Variants in CLSTN2 observed in about 807,000 individuals in gnomAD.
CLSTN2 encodes calsyntenin 2, also known as calsyntenin-2.
CLSTN2 carries 48 observed loss-of-function variants against 101.2 expected under a neutral mutation model. The observed-to-expected ratio is 0.47, with a 90% CI of 0.38 to 0.60. CLSTN2 has a LOEUF of 0.60. Among genes scored for constraint, CLSTN2 ranks in the 20% least tolerant of loss-of-function variants. CLSTN2 has a pLI of 0.00. For missense variants in CLSTN2, 1,160 were observed against 1,238.2 expected, an observed-to-expected ratio of 0.94 and a Z score of 0.95; for synonymous variants, 481 against 463.6, an observed-to-expected ratio of 1.04 and a Z score of -0.48.
At chr3:140,048,295 G>A (rs1480801656) in intron 1 of CLSTN2, among the ~76,000 whole-genome samples, 2 of 152,286 alleles carry the variant, frequency 1.3e-5, no homozygotes, top group Non-Finnish European at 2.9e-5. Flanking sequence ...CATATCTTGG[G>A]AAATACAGCC....
intron 1 of CLSTN2, among the ~76,000 whole-genome samples, chr3:140,131,877 CA>C (rs2009527936): frequency 6.6e-6 from 1 of 151,898 alleles, no homozygotes; most frequent in Non-Finnish European, 1.5e-5. Flanking sequence ...AAAACTGTCC[CA>C]CAATTGACCA....
chr3:140,563,339 T>C (rs563983119), intron 15 of CLSTN2, 136 bp downstream of exon 15: 11 of 962,454 alleles, frequency 1.1e-5, no homozygotes, highest in Admixed American at 5.1e-5. Flanking sequence ...ATGGAGAAAA[T>C]GTGCCCTGGC....
At chr3:140,338,198 C>T (rs1285973077) in intron 2 of CLSTN2, among the ~76,000 whole-genome samples, 3 of 152,134 alleles carry the variant, frequency 2.0e-5, no homozygotes, top group African/African-American at 7.2e-5. Context: ...TGACTGATCT[C>T]TCTCTCTCTC....
chr3:140,515,774 G>A (rs1449259385), intron 8 of CLSTN2, among the ~76,000 whole-genome samples: 3 of 152,022 alleles, frequency 2.0e-5, no homozygotes, highest in Middle Eastern at 3.2e-3. Flanking sequence ...GACTTGTTTT[G>A]TGGCCTATCA....
intron 2 of CLSTN2, among the ~76,000 whole-genome samples, chr3:140,179,620 CAAAAAAAAAAAAA>C (rs57433306): frequency 2.9e-4 from 11 of 37,460 alleles, no homozygotes; most frequent in African/African-American, 4.0e-4. Flanking sequence ...GACCCTATCT[CAAAAAAAAAAAAA>C]AAAAAAAAAA....
In CLSTN2 at chr3:140,567,690, T is replaced by C. The variant is rs536993684; in HGVS notation, c.*1437T>C. The C allele has an allele frequency of 3.3e-5, 5 of 152,254 alleles. No homozygotes were observed. Among genetic ancestry groups the C allele is most frequent in the African/African-American group, 9.6e-5 (4 of 41,456 alleles). 9.4% of individuals were successfully genotyped at this position (152,254 alleles called of 1,614,324 possible). ...ATGTCTGATTCCTCTTTGTCATCAA[T>C]GTGTATGCTCTGTCCCCATCCTTCA... On this transcript the variant is annotated 3_prime_UTR_variant, in exon 17 of 17. Coordinates refer to ENST00000458420, the MANE Select transcript of CLSTN2 (RefSeq NM_022131.3).
intron 1 of CLSTN2, among the ~76,000 whole-genome samples, chr3:140,127,230 C>T (rs2009450119): frequency 6.6e-6 from 1 of 152,016 alleles, no homozygotes; most frequent in Non-Finnish European, 1.5e-5. Context: ...CCCAGGTCCA[C>T]TATTTATTAG....
intron 2 of CLSTN2, among the ~76,000 whole-genome samples, chr3:140,184,800 C>A (rs2010463672): frequency 6.6e-6 from 1 of 152,150 alleles, no homozygotes; most frequent in Non-Finnish European, 1.5e-5. Flanking sequence ...CTAATCATGG[C>A]ATCTGGCTTA....
intron 1 of CLSTN2, among the ~76,000 whole-genome samples, chr3:139,949,497 T>C (rs1364625376): frequency 6.6e-6 from 1 of 152,162 alleles, no homozygotes; most frequent in Non-Finnish European, 1.5e-5. Flanking sequence ...TGGCATGAGC[T>C]GATACATTCA....
intron 2 of CLSTN2, among the ~76,000 whole-genome samples, chr3:140,198,845 C>G (rs751616623): frequency 4.6e-5 from 7 of 152,126 alleles, no homozygotes; most frequent in Non-Finnish European, 8.8e-5. Context: ...GCCTGCAATT[C>G]CCTGTTCTGA....
At chr3:140,203,461 GTTTTTTTTTTTTTTTTTTT>G (rs58182333) in intron 2 of CLSTN2, among the ~76,000 whole-genome samples, 7 of 67,898 alleles carry the variant, frequency 1.0e-4, no homozygotes, top group Non-Finnish European at 1.9e-4. Flanking sequence ...GAAAGTGTGG[GTTTTTTTTTTTTTTTTTTT>G]TTTTTTTTTT....
chr3:140,090,610 C>T (rs548072319), intron 1 of CLSTN2, among the ~76,000 whole-genome samples: 37 of 152,164 alleles, frequency 2.4e-4, no homozygotes, highest in African/African-American at 6.5e-4. Context: ...ATTCTGGGAG[C>T]GTAAGTCCTG....
At chr3:139,952,792 G>A (rs1935315714) in intron 1 of CLSTN2, among the ~76,000 whole-genome samples, 1 of 152,030 alleles carries the variant, frequency 6.6e-6, no homozygotes, top group Non-Finnish European at 1.5e-5. Flanking sequence ...TTATATTAAG[G>A]TCCCAACATG....
At chr3:140,169,336 A>G (rs1471473919) in intron 1 of CLSTN2, among the ~76,000 whole-genome samples, 1 of 152,028 alleles carries the variant, frequency 6.6e-6, no homozygotes, top group Non-Finnish European at 1.5e-5. Context: ...TTGACTTTCT[A>G]TCTTCTGACC....
chr3:140,102,086 T>A (rs963470311), intron 1 of CLSTN2, among the ~76,000 whole-genome samples: 5 of 152,202 alleles, frequency 3.3e-5, no homozygotes, highest in Non-Finnish European at 7.3e-5. Context: ...TAGGTCCTAA[T>A]TTCAAGTCAG....
intron 1 of CLSTN2, among the ~76,000 whole-genome samples, chr3:139,962,998 T>C (rs1560055450): frequency 6.7e-6 from 1 of 148,740 alleles, no homozygotes; most frequent in African/African-American, 2.4e-5. Flanking sequence ...GGATAACACA[T>C]TGATTTAATA....
At chr3:140,353,229 A>G (rs1264050704) in intron 2 of CLSTN2, among the ~76,000 whole-genome samples, 1 of 134,496 alleles carries the variant, frequency 7.4e-6, no homozygotes, top group Non-Finnish European at 1.6e-5. Context: ...GAATATATAT[A>G]TGTATGTTTA....
chr3:140,354,226 C>T (rs138509025), intron 2 of CLSTN2, among the ~76,000 whole-genome samples: 1 of 152,254 alleles, frequency 6.6e-6, no homozygotes, highest in East Asian at 1.9e-4. Flanking sequence ...TAGGATGTTA[C>T]CCAGAGTTGC....
Position 140,493,023 on chromosome 3 carries a change from T to C in CLSTN2, c.1344+26292T>C, listed in dbSNP as rs191211218. ...TTACAATCAACCATGGAGGTTTTTA[T>C]TTTTTTCACTTCAGACATAGATTAA... On this transcript the variant is annotated intron_variant, in intron 8 of 16. Transcript: ENST00000458420. Among the ~76,000 whole-genome samples, 106 of 124,440 alleles carry C rather than the reference T, an allele frequency of 8.5e-4. 1 individual carries two copies. The East Asian group carries it at 0.016, about 19-fold the overall frequency. The allele number at this position is 124,440 out of a possible 152,430, so 81.6% of individuals were successfully genotyped here.
Sources: allele counts gnomAD v4.1 joint callset (sites outside exome capture counted in the v4.1 genomes callset), GRCh38; gene constraint gnomAD v4.1.1; transcripts MANE v1.5; gene names NCBI Gene and HGNC (gene_info 2026-07-23, HGNC 2026-07-21).